The following SORCS3 variants were observed in gnomAD, a reference collection of about 807,000 sequenced individuals.
SORCS3 encodes VPS10 domain-containing receptor SorCS3.
Under a neutral mutation model 146.3 loss-of-function variants are expected in SORCS3, and 57 were observed. That is an observed-to-expected ratio of 0.39 (90% confidence interval 0.31 to 0.49). SORCS3 has a LOEUF of 0.49. SORCS3 is among the 20% of genes least tolerant of loss of function. The pLI is 0.92. For missense variants in SORCS3, 1,341 were observed against 1,575.5 expected, an observed-to-expected ratio of 0.85 and a Z score of 2.52; for synonymous variants, 653 against 618.5, an observed-to-expected ratio of 1.06 and a Z score of -0.83.
At chr10:104,820,842 A>G (rs1379188039) in intron 1 of SORCS3, among the ~76,000 whole-genome samples, 2 of 152,222 alleles carry the variant, frequency 1.3e-5, no homozygotes, top group African/African-American at 4.8e-5. Context: ...ACAGTCATAT[A>G]TATAAAAGAA....
At chr10:105,121,444 A>G (rs1449867412) in intron 7 of SORCS3, among the ~76,000 whole-genome samples, 1 of 152,176 alleles carries the variant, frequency 6.6e-6, no homozygotes, top group African/African-American at 2.4e-5. Context: ...CAAGGATATG[A>G]CCTCAGGGCT....
intron 22 of SORCS3, 37 bp downstream of exon 22, chr10:105,247,368 TA>T: frequency 8.2e-7 from 1 of 1,226,126 alleles, no homozygotes; most frequent in South Asian, 1.2e-5. Context: ...TTCTTGTGAA[TA>T]AAGAAAAGAA....
intron 1 of SORCS3, among the ~76,000 whole-genome samples, chr10:104,837,837 T>G (rs533644148): frequency 6.6e-6 from 1 of 152,298 alleles, no homozygotes; most frequent in East Asian, 1.9e-4. Flanking sequence ...GCATTCCTAT[T>G]CATTGCCTTG....
At chr10:105,157,503 T>A (rs957920869) in intron 10 of SORCS3, among the ~76,000 whole-genome samples, 3 of 152,214 alleles carry the variant, frequency 2.0e-5, no homozygotes, top group Admixed American at 2.0e-4. Context: ...GGATCTACTA[T>A]GTGCTCCATC....
intron 4 of SORCS3, among the ~76,000 whole-genome samples, chr10:104,987,961 G>A (rs909091424): frequency 2.6e-5 from 4 of 152,182 alleles, no homozygotes; most frequent in African/African-American, 4.8e-5. Context: ...AGAGTTGGAC[G>A]TATAGCTGCT....
intron 8 of SORCS3, among the ~76,000 whole-genome samples, chr10:105,144,608 A>T (rs2056117921): frequency 6.6e-6 from 1 of 152,072 alleles, no homozygotes; most frequent in African/African-American, 2.4e-5. Context: ...TTGCTTTCCA[A>T]ATATAAATAT....
At chr10:105,148,789 C>T (rs765286286) in intron 9 of SORCS3, among the ~76,000 whole-genome samples, 1 of 151,982 alleles carries the variant, frequency 6.6e-6, no homozygotes, top group Non-Finnish European at 1.5e-5. Context: ...CAGTGCCTGT[C>T]AAAATCCCAG....
intron 7 of SORCS3, among the ~76,000 whole-genome samples, chr10:105,123,682 G>T (rs2055952205): frequency 6.6e-6 from 1 of 152,056 alleles, no homozygotes; most frequent in Non-Finnish European, 1.5e-5. Flanking sequence ...CAATAAATAA[G>T]AATGGTAATT....
intron 7 of SORCS3, among the ~76,000 whole-genome samples, chr10:105,116,040 C>G (rs1321347897): frequency 2.0e-5 from 3 of 152,128 alleles, no homozygotes; most frequent in Admixed American, 6.6e-5. Context: ...ACAGCCAGCC[C>G]AAATGGAGGT....
At chr10:104,864,882 C>T (rs922955298) in intron 2 of SORCS3, among the ~76,000 whole-genome samples, 3 of 152,146 alleles carry the variant, frequency 2.0e-5, no homozygotes, top group African/African-American at 7.2e-5. Flanking sequence ...CTTCTCCCTA[C>T]CTTCCCCTGG....
chr10:105,131,841 C>T (rs1001114136), intron 7 of SORCS3, among the ~76,000 whole-genome samples: 4 of 152,080 alleles, frequency 2.6e-5, no homozygotes, highest in Non-Finnish European at 5.9e-5. Context: ...AACTCACTAT[C>T]GCACGGACAG....
At chr10:104,798,103 A>G (rs532787750) in intron 1 of SORCS3, among the ~76,000 whole-genome samples, 3 of 152,302 alleles carry the variant, frequency 2.0e-5, no homozygotes, top group Admixed American at 6.5e-5. Context: ...TCAATTAGAA[A>G]GGGCTCTGGC....
chr10:105,044,071 T>C (rs2055354002), intron 5 of SORCS3, among the ~76,000 whole-genome samples: 1 of 151,868 alleles, frequency 6.6e-6, no homozygotes, highest in African/African-American at 2.4e-5. Context: ...ATATGCTTAA[T>C]GAAAAAAAAA....
At chr10:105,001,206 T>C (rs920142280) in intron 4 of SORCS3, among the ~76,000 whole-genome samples, 4 of 152,112 alleles carry the variant, frequency 2.6e-5, no homozygotes, top group African/African-American at 4.8e-5. Context: ...GGAGGTCACA[T>C]AGCCAGTAAG....
intron 6 of SORCS3, among the ~76,000 whole-genome samples, chr10:105,099,219 T>C (rs2055766732): frequency 6.6e-6 from 1 of 152,178 alleles, no homozygotes; most frequent in Non-Finnish European, 1.5e-5. Flanking sequence ...TTTTCACTTA[T>C]TTTCATTTGA....
At chr10:105,226,316 A>G (rs1564789365) in intron 20 of SORCS3, among the ~76,000 whole-genome samples, 1 of 151,896 alleles carries the variant, frequency 6.6e-6, no homozygotes, top group South Asian at 2.1e-4. Context: ...ACATGATCAT[A>G]TGTTTTTTGT....
chr10:105,214,713 G>A, intron 18 of SORCS3, 100 bp downstream of exon 18: 3 of 1,174,446 alleles, frequency 2.6e-6, no homozygotes. Flanking sequence ...CTGCACCAAA[G>A]TCAATGGTGA....
At chr10:105,055,517 C>T (rs1834900819) in intron 5 of SORCS3, among the ~76,000 whole-genome samples, 1 of 152,138 alleles carries the variant, frequency 6.6e-6, no homozygotes, top group Non-Finnish European at 1.5e-5. Context: ...TACATCCTGC[C>T]TTTGCCTCCT....
chr10:104,883,821 A>G (rs1231423235), intron 2 of SORCS3, among the ~76,000 whole-genome samples: 1 of 152,064 alleles, frequency 6.6e-6, no homozygotes, highest in Non-Finnish European at 1.5e-5. Context: ...GTCAGAGCTT[A>G]TGATTAATTA....
Sources: gnomAD v4.1 joint callset for allele counts (sites outside exome capture counted in the v4.1 genomes callset) on GRCh38, gnomAD v4.1.1 for gene constraint, MANE v1.5 for transcripts, NCBI Gene and HGNC (gene_info 2026-07-23, HGNC 2026-07-21) for gene names.